The following OLFM3 variants were observed in gnomAD, a reference collection of about 807,000 sequenced individuals.
OLFM3 encodes the protein olfactomedin 3, also known as noelin-3.
A neutral mutation model predicts 48.6 loss-of-function variants in OLFM3; 20 were observed. The observed-to-expected ratio is 0.41, with a 90% CI of 0.29 to 0.60. The LOEUF (loss-of-function observed/expected upper bound fraction) is 0.60, where lower values mean the gene tolerates loss of function less well. Ranked by LOEUF, OLFM3 falls within the 20% of genes least tolerant of loss-of-function variation. The pLI is 0.28. For missense variants in OLFM3, 437 were observed against 544.3 expected, an observed-to-expected ratio of 0.80 and a Z score of 1.96; for synonymous variants, 222 against 198.1, an observed-to-expected ratio of 1.12 and a Z score of -1.01.
At position 101,808,263 on chromosome 1, in the gene OLFM3, G is replaced by GA. The variant is rs560490130; in HGVS notation, c.593-2082dup. ...ATAGTAAAGGAGTAAAACATGAGGG[G>GA]AAAAAAACAAAAGAAAAAAAGCAAA... On this transcript the variant is annotated intron_variant, in intron 4 of 5. Transcript: ENST00000370103. Among the ~76,000 whole-genome samples, 15 of 151,004 alleles carry GA rather than the reference G, an allele frequency of 9.9e-5. No individual in the cohort carries two copies. The South Asian group carries it at 2.5e-3, about 25-fold the overall frequency.
chr1:101,993,826 A>G (rs1661481177), intron 1 of OLFM3, among the ~76,000 whole-genome samples: 3 of 152,034 alleles, frequency 2.0e-5, no homozygotes, highest in African/African-American at 7.2e-5. Flanking sequence ...GTCTATGAAC[A>G]ATGAATCTTG....
In OLFM3 at chr1:101,847,228, T is replaced by C. The variant is rs181704533; in HGVS notation, c.70-10203A>G. Reference sequence around the variant, plus strand: ...TATTCTTGATAGGCTTGGTTGGTAATTATCAGAGAGCAGAGGTTGGAGGGA... The same window carrying C: ...TATTCTTGATAGGCTTGGTTGGTAACTATCAGAGAGCAGAGGTTGGAGGGA... On this transcript the variant is annotated intron_variant, in intron 1 of 5. Transcript: ENST00000370103. 402 of 222,588 alleles carry C rather than the reference T, an allele frequency of 1.8e-3. 4 individuals carry two copies. The highest frequency in any genetic ancestry group is 9.2e-3 in the African/African-American group (392 of 42,778). 13.8% of individuals were successfully genotyped at this position (222,588 alleles called of 1,614,324 possible). A position where few individuals can be genotyped will look rare whatever the true frequency, so the allele number is the denominator to read the frequency against.
chr1:101,969,812 G>T (rs1220424246), intron 1 of OLFM3, among the ~76,000 whole-genome samples: 1 of 152,052 alleles, frequency 6.6e-6, no homozygotes, highest in Non-Finnish European at 1.5e-5. Flanking sequence ...GAATGGTGGT[G>T]AGGATAAGTG....
intron 1 of OLFM3, among the ~76,000 whole-genome samples, chr1:101,851,264 A>G (rs1656212164): frequency 6.6e-6 from 1 of 152,126 alleles, no homozygotes; most frequent in Admixed American, 6.6e-5. Flanking sequence ...TTGACTAAGT[A>G]AGTCTCTCAG....
At position 101,838,985 on chromosome 1, in the gene OLFM3, C is replaced by T. The variant is rs141876769; in HGVS notation, c.70-1960G>A. On this transcript the variant is annotated intron_variant, in intron 1 of 5. Transcript: ENST00000370103. ...CTTCTGAAAGCTTTAATGATAACTACTTCTAGGTGCCGATAGGCCTTCCAA... is the reference window on the plus strand; with the variant it reads ...CTTCTGAAAGCTTTAATGATAACTATTTCTAGGTGCCGATAGGCCTTCCAA... Among the ~76,000 whole-genome samples the T allele has an allele frequency of 3.8e-3, 581 of 152,280 alleles. 1 individual carries two copies. The highest frequency in any genetic ancestry group is 6.7e-3 in the Non-Finnish European group (458 of 68,028).
At chr1:101,941,578 C>T (rs1390009280) in intron 1 of OLFM3, among the ~76,000 whole-genome samples, 5 of 152,016 alleles carry the variant, frequency 3.3e-5, no homozygotes, top group South Asian at 4.2e-4. Context: ...ATGATATTGA[C>T]TAAAGATGAG....
chr1:101,849,356 C>T (rs1389992789), intron 1 of OLFM3, among the ~76,000 whole-genome samples: 1 of 152,186 alleles, frequency 6.6e-6, no homozygotes. Flanking sequence ...GTGTTTAGGG[C>T]AAGCAACCCA....
chr1:101,806,020 G>A (rs1653755787), intron 5 of OLFM3, 56 bp downstream of exon 5: 2 of 1,330,066 alleles, frequency 1.5e-6, no homozygotes, highest in Admixed American at 1.7e-5. Context: ...GTCCAGAAGA[G>A]AAAAAGTGTA....
intron 1 of OLFM3, among the ~76,000 whole-genome samples, chr1:101,985,619 T>G (rs958418143): frequency 5.9e-5 from 9 of 152,298 alleles, no homozygotes; most frequent in Middle Eastern, 3.4e-3. Context: ...TTCTTATAAT[T>G]TTAGCCATCT....
intron 1 of OLFM3, among the ~76,000 whole-genome samples, chr1:101,990,072 C>T (rs901815859): frequency 4.6e-5 from 7 of 152,138 alleles, no homozygotes; most frequent in African/African-American, 1.7e-4. Context: ...ATCTCTTCTC[C>T]ATGATTAGTT....
At chr1:101,991,251 T>G (rs1661402692) in intron 1 of OLFM3, among the ~76,000 whole-genome samples, 1 of 151,970 alleles carries the variant, frequency 6.6e-6, no homozygotes, top group Middle Eastern at 3.4e-3. Context: ...GTACAGATAA[T>G]CCCAGTGATT....
intron 1 of OLFM3, among the ~76,000 whole-genome samples, chr1:101,844,584 G>A (rs1450649209): frequency 3.9e-5 from 6 of 152,092 alleles, no homozygotes; most frequent in Non-Finnish European, 4.4e-5. Flanking sequence ...AGAATAATGA[G>A]GCTGAATTAG....
At chr1:101,978,715 T>C (rs1661021668) in intron 1 of OLFM3, among the ~76,000 whole-genome samples, 1 of 152,190 alleles carries the variant, frequency 6.6e-6, no homozygotes, top group South Asian at 2.1e-4. Flanking sequence ...GGCGCTTTAA[T>C]TTTTTCATTT....
At chr1:101,933,601 A>G (rs1416175199) in intron 1 of OLFM3, among the ~76,000 whole-genome samples, 1 of 152,166 alleles carries the variant, frequency 6.6e-6, no homozygotes, top group Admixed American at 6.5e-5. Flanking sequence ...TCAAATTTAG[A>G]AAATGCAGAG....
chr1:101,983,562 TGTAA>T (rs1661157052), intron 1 of OLFM3, among the ~76,000 whole-genome samples: 2 of 152,240 alleles, frequency 1.3e-5, no homozygotes. Flanking sequence ...TAGTGCCAGC[TGTAA>T]GTATTTATTG....
At chr1:101,955,893 C>T (rs936598267) in intron 1 of OLFM3, among the ~76,000 whole-genome samples, 2 of 151,782 alleles carry the variant, frequency 1.3e-5, no homozygotes, top group African/African-American at 4.8e-5. Flanking sequence ...TTACCACCAC[C>T]TCCAAAGTCT....
At position 101,836,770 on chromosome 1, in the gene OLFM3, G is replaced by T. The variant is rs1353916137; in HGVS notation, c.216+109C>A. 13 of 1,139,058 alleles carry T rather than the reference G, an allele frequency of 1.1e-5. No homozygotes were observed. The East Asian group carries it at 2.4e-4, about 21-fold the overall frequency. The allele number at this position is 1,139,058 out of a possible 1,614,324, so 70.6% of individuals were successfully genotyped here. On this transcript the variant is annotated intron_variant, in intron 2 of 5. Coordinates refer to ENST00000370103, the MANE Select transcript of OLFM3 (RefSeq NM_058170.4). ...GAAAAAAAAGCTTATCTGAGAAGGG[G>T]GACAAAAATCAAAAGAATCCTCTTC...
chr1:101,865,614 C>T (rs1189828992), intron 1 of OLFM3, among the ~76,000 whole-genome samples: 1 of 152,124 alleles, frequency 6.6e-6, no homozygotes, highest in Non-Finnish European at 1.5e-5. Context: ...GCGCTTTGTG[C>T]CAATGTACCA....
chr1:101,989,095 G>A (rs2101118791), intron 1 of OLFM3, among the ~76,000 whole-genome samples: 1 of 152,122 alleles, frequency 6.6e-6, no homozygotes, highest in Non-Finnish European at 1.5e-5. Context: ...AGAATTTGTG[G>A]AAAAAGTTGT....
Sources: gnomAD v4.1 joint callset for allele counts (sites outside exome capture counted in the v4.1 genomes callset) on GRCh38, gnomAD v4.1.1 for gene constraint, MANE v1.5 for transcripts, NCBI Gene and HGNC (gene_info 2026-07-23, HGNC 2026-07-21) for gene names.